ZNF142: variants seen among roughly 807,000 people sequenced by gnomAD.
ZNF142 encodes the protein zinc finger protein 142.
ZNF142 carries 96 observed loss-of-function variants against 132.1 expected under a neutral mutation model. The observed-to-expected ratio is 0.73, with a 90% CI of 0.62 to 0.86. The LOEUF is 0.86. ZNF142 is among the 40% of genes least tolerant of loss of function. The probability of loss-of-function intolerance (pLI) is 0.00; values close to 1 mark genes in which losing one functional copy is unlikely to be tolerated. For synonymous variants in ZNF142, 842 were observed against 890.1 expected, an observed-to-expected ratio of 0.95 and a Z score of 0.96; for missense variants, 2,163 against 2,336.2, an observed-to-expected ratio of 0.93 and a Z score of 1.53.
intron 5 of ZNF142, among the ~76,000 whole-genome samples, chr2:218,650,741 C>G (rs1937906485): frequency 6.6e-6 from 1 of 152,168 alleles, no homozygotes; most frequent in African/African-American, 2.4e-5. Context: ...TAACTCAAAC[C>G]TCAGAGAGCA....
At chr2:218,656,539 C>T (rs1938522814) in intron 3 of ZNF142, 76 bp from the exon 4 acceptor site, 4 of 1,119,060 alleles carry the variant, frequency 3.6e-6, no homozygotes, top group South Asian at 3.0e-5. Flanking sequence ...GGGTACACAG[C>T]CCAGTGCCCA....
intron 8 of ZNF142, 144 bp downstream of exon 8, chr2:218,646,027 A>T: frequency 8.9e-7 from 1 of 1,126,418 alleles, no homozygotes; most frequent in Non-Finnish European, 1.3e-6. Context: ...TGCTGGGATT[A>T]CAGGTGTGAG....
chr2:218,637,104 G>A lies in ZNF142; in HGVS notation c.*1235C>T. On this transcript the variant is annotated 3_prime_UTR_variant, in exon 11 of 11. Transcript: ENST00000411696. ...GTACTACGACTCTTAAGAGAACACT[G>A]CACAGCACTCAAAGTCCCCCACTGG... 2.9e-6 allele frequency: 1 copy of A among 344,204 alleles called. No individual in the cohort carries two copies. Among genetic ancestry groups the A allele is most frequent in the South Asian group, 2.3e-5 (1 of 42,738 alleles). The allele number at this position is 344,204 out of a possible 1,614,324, so 21.3% of individuals were successfully genotyped here.
At position 218,640,731 on chromosome 2, in the gene ZNF142, C is replaced by T. The variant is rs367896344; in HGVS notation, c.5127G>A (p.Leu1709=). 6.2e-7 allele frequency: 1 copy of T among 1,614,052 alleles called. No homozygotes were observed. Among genetic ancestry groups the T allele is most frequent in the African/African-American group, 1.3e-5 (1 of 74,904 alleles). The part of the protein sequence containing the change: ...MRIHKEERKY[L]CPECGYKCKW... ...TGCACTTGTAGCCACACTCAGGGCA[C>T]AGGTACTTCCGTTCCTCCTTGTGGA... The change falls in exon 10 of 11, where the codon CTG becomes CTA. Residue 1709 remains leucine, a synonymous_variant. Transcript: ENST00000411696.
At chr2:218,650,631 A>G in intron 5 of ZNF142, 105 bp from the exon 6 acceptor site, 1 of 1,138,848 alleles carries the variant, frequency 8.8e-7, no homozygotes, top group Non-Finnish European at 1.2e-6. Flanking sequence ...TCCCACTTTT[A>G]GCATAAGGAG....
At position 218,634,514 on chromosome 2, in the gene ZNF142, C is replaced by T. The variant is rs376838439; in HGVS notation, c.*3825G>A. ...AATGGACATCTGTGATGGGCATTTCCGCCAGAATGGCGGCTGTGGCTATGT... is the reference window on the plus strand; with the variant it reads ...AATGGACATCTGTGATGGGCATTTCTGCCAGAATGGCGGCTGTGGCTATGT... On this transcript the variant is annotated 3_prime_UTR_variant, in exon 11 of 11. Transcript: ENST00000411696. The surrounding 1 kb of genome is among the most constrained non-coding windows in gnomAD (Gnocchi z 4.0). 59 of 1,613,894 alleles carry T rather than the reference C, an allele frequency of 3.7e-5. No individual in the cohort carries two copies. The highest frequency in any genetic ancestry group is 2.0e-4 in the Admixed American group (12 of 60,004).
chr2:218,648,764 A>G lies in ZNF142; in HGVS notation c.1744T>C (p.Phe582Leu). The G allele has an allele frequency of 1.2e-6, 2 of 1,614,196 alleles. No individual in the cohort carries two copies. Among genetic ancestry groups the G allele is most frequent in the Non-Finnish European group, 8.5e-7 (1 of 1,180,026 alleles). The change falls in exon 7 of 11, where the codon TTC becomes CTC. Residue 582 changes from phenylalanine (F) to leucine (L), a missense_variant. Around this residue, in one of 7 missense-constraint regions of ZNF142, gnomAD observed 749 missense variants for 830.3 expected, o/e 0.90. Transcript: ENST00000411696. ...TGATCCTGGTAAGCCACTGGGTTGA[A>G]GGTGGCAAAGGGGCAGAAGGTGCAG... Reference protein sequence around the residue: ...LRCTFCPFATFNPVAYQDHVG... With the variant: ...LRCTFCPFATLNPVAYQDHVG...
chr2:218,644,328 C>T lies in ZNF142; in HGVS notation c.2788G>A (p.Gly930Arg), dbSNP rs367880996. The change falls in exon 9 of 11, where the codon GGG becomes AGG. Residue 930 changes from glycine (G) to arginine (R), a missense_variant. Transcript: ENST00000411696. The surrounding 1 kb of genome is among the most constrained non-coding windows in gnomAD (Gnocchi z 4.6). ...TCTGGTCCTTCCAGTCCATCTGGCCCTTCCAGTCCCAGGGGCCTGAACTCC... is the reference window on the plus strand; with the variant it reads ...TCTGGTCCTTCCAGTCCATCTGGCCTTTCCAGTCCCAGGGGCCTGAACTCC... ...PMEFRPLGLE[G>R]PDGLEGPELS... The T allele has an allele frequency of 3.1e-6, 5 of 1,614,032 alleles. No individual in the cohort carries two copies. In the African/African-American group the frequency reaches 6.7e-5, roughly 22 times the overall value.
chr2:218,657,225 A>G (rs1477567836), intron 3 of ZNF142, among the ~76,000 whole-genome samples: 1 of 151,512 alleles, frequency 6.6e-6, no homozygotes, highest in Non-Finnish European at 1.5e-5. Context: ...CTCATCTCCC[A>G]CTTCTCCCCT....
chr2:218,650,337 T>C, intron 6 of ZNF142, 22 bp downstream of exon 6: 1 of 1,613,948 alleles, frequency 6.2e-7, no homozygotes, highest in Non-Finnish European at 8.5e-7. Context: ...ACCAAGGGCT[T>C]CAAGCCTCAG....
chr2:218,643,644 T>C lies in ZNF142; in HGVS notation c.3472A>G (p.Thr1158Ala). ...GGAGGGACTGGGGAACCAGAGACTG[T>C]GGCAAGAGGCTCTTCTGTTTCTTCT... ...EPEETEEPLA[T>A]VSGSPVPPAG... Residue 1158 changes from threonine to alanine, a missense_variant, in exon 9 of 11, where the codon ACA (threonine) becomes GCA (alanine). This residue lies in a region of ZNF142 where 809 missense variants were observed against 801.7 expected (regional missense o/e 1.01). Coordinates refer to ENST00000411696, the MANE Select transcript of ZNF142 (RefSeq NM_001379659.1). 1 of 1,550,360 alleles carries C rather than the reference T, an allele frequency of 6.5e-7. No homozygotes were observed. The highest frequency in any genetic ancestry group is 8.7e-7 in the Non-Finnish European group (1 of 1,151,788).
At chr2:218,640,805 TAAGTGCTCAATA>T (rs1697119767) in intron 9 of ZNF142, 36 bp from the exon 10 acceptor site, 6 of 1,534,370 alleles carry the variant, frequency 3.9e-6, no homozygotes, top group Non-Finnish European at 5.4e-6. Context: ...GAAAATATAG[TAAGTGCTCAATA>T]AATGTTAGCT....
chr2:218,657,764 C>T (rs1234654099), intron 3 of ZNF142, among the ~76,000 whole-genome samples: 1 of 152,078 alleles, frequency 6.6e-6, no homozygotes, highest in Non-Finnish European at 1.5e-5. Context: ...TCTCTTCTGG[C>T]GTCCTAAGGG....
In ZNF142 at chr2:218,636,102, A is replaced by G; in HGVS notation, c.*2237T>C. The stretch of plus-strand genomic sequence containing the variant: ...ACTTAAAAGCTCCAGTGACCTGGGC[A>G]AATTACTTGCTTACTCTGAGCCTTT... On this transcript the variant is annotated 3_prime_UTR_variant, in exon 11 of 11. Coordinates refer to ENST00000411696, the MANE Select transcript of ZNF142 (RefSeq NM_001379659.1). 2 of 1,368,260 alleles carry G rather than the reference A, an allele frequency of 1.5e-6. No homozygotes were observed. Among genetic ancestry groups the G allele is most frequent in the Non-Finnish European group, 2.0e-6 (2 of 985,780 alleles). The allele number at this position is 1,368,260 out of a possible 1,614,324, so 84.8% of individuals were successfully genotyped here. A position where few individuals can be genotyped will look rare whatever the true frequency, so the allele number is the denominator to read the frequency against.
At chr2:218,658,549 AAAC>A (rs1384400537) in intron 3 of ZNF142, among the ~76,000 whole-genome samples, 149 bp downstream of exon 3, 3 of 151,934 alleles carry the variant, frequency 2.0e-5, no homozygotes, top group African/African-American at 7.3e-5. Flanking sequence ...CTCAAAAAAA[AAAC>A]AAACAAAAAC....
At chr2:218,646,669 C>T (rs1294288165) in intron 7 of ZNF142, among the ~76,000 whole-genome samples, 4 of 152,078 alleles carry the variant, frequency 2.6e-5, no homozygotes, top group African/African-American at 7.2e-5. Flanking sequence ...CTGCCAAGCT[C>T]GGCTGCCCGG....
chr2:218,641,433 A>T (rs780533961), intron 9 of ZNF142, among the ~76,000 whole-genome samples: 4 of 150,154 alleles, frequency 2.7e-5, no homozygotes, highest in Admixed American at 6.6e-5. Flanking sequence ...TTTAGTAGAG[A>T]CGGGGTTTCA....
At chr2:218,650,256 C>T (rs1575077555) in intron 6 of ZNF142, 103 bp downstream of exon 6, 1 of 1,423,764 alleles carries the variant, frequency 7.0e-7, no homozygotes, top group East Asian at 2.3e-5. Flanking sequence ...ATAAAAGGAT[C>T]CGAACCAAAG....
rs1696877056 is a variant in ZNF142 at position 218,638,352 on chromosome 2, C to A, written c.5651G>T (p.Gly1884Val). 1 of 1,518,836 alleles carries A rather than the reference C, an allele frequency of 6.6e-7. No homozygotes were observed. Among genetic ancestry groups the A allele is most frequent in the Non-Finnish European group, 8.8e-7 (1 of 1,133,294 alleles). 94.1% of individuals were successfully genotyped at this position (1,518,836 alleles called of 1,614,324 possible). ...SPPAPAAPHT[G>V]PEG ...TGGGGCAGGCTTTCAGCCCTCAGGTCCAGTGTGGGGAGCGGCAGGAGCAGG... is the reference window on the plus strand; with the variant it reads ...TGGGGCAGGCTTTCAGCCCTCAGGTACAGTGTGGGGAGCGGCAGGAGCAGG... Residue 1884 changes from glycine (G) to valine (V), a missense_variant, in exon 11 of 11, where the codon GGA (glycine) becomes GTA (valine). Around this residue, in one of 7 missense-constraint regions of ZNF142, gnomAD observed 325 missense variants for 367.8 expected, o/e 0.88. Transcript: ENST00000411696.
Sources: allele counts gnomAD v4.1 joint callset (sites outside exome capture counted in the v4.1 genomes callset), GRCh38; gene constraint gnomAD v4.1.1; regional missense constraint gnomAD v4.1.1; non-coding constraint Gnocchi (gnomAD v3.1); transcripts MANE v1.5; gene names NCBI Gene and HGNC (gene_info 2026-07-23, HGNC 2026-07-21).